DNAH17: variants seen among roughly 807,000 people sequenced by gnomAD.
DNAH17 encodes axonemal beta dynein heavy chain 17.
In DNAH17, 376 loss-of-function variants were observed where a neutral mutation model predicts 485.6. The observed-to-expected ratio is 0.77, with a 90% CI of 0.71 to 0.84. The LOEUF (loss-of-function observed/expected upper bound fraction) is 0.84, where lower values mean the gene tolerates loss of function less well. Ranked by LOEUF, DNAH17 falls within the 40% of genes least tolerant of loss-of-function variation. The pLI, the probability that DNAH17 is intolerant of heterozygous loss-of-function variation, is 0.00. For synonymous variants in DNAH17, 3,031 were observed against 2,405.9 expected (o/e 1.26, Z -7.60); for missense variants, 6,370 against 5,839.3 (o/e 1.09, Z -2.96).
Position 78,484,871 on chromosome 17 carries a change from T to C in DNAH17, c.7646A>G (p.His2549Arg). Residue 2549 changes from histidine (H) to arginine (R), a missense_variant, in exon 48 of 81, where the codon CAC becomes CGC. Coordinates refer to ENST00000389840, the MANE Select transcript of DNAH17 (RefSeq NM_173628.4). ...TLIRQHMDHR[H>R]WYDRHKLTLK... ...CTCCGGCCCCGCCCCGTCTAACCAG[T>C]GCCGGTGGTCCATGTGCTGCCGGAT... The C allele has an allele frequency of 1.9e-6, 3 of 1,558,484 alleles. No homozygotes were observed. The highest frequency in any genetic ancestry group is 1.4e-5 in the African/African-American group (1 of 73,504).
At chr17:78,562,782 A>G (rs781734296) in intron 11 of DNAH17, among the ~76,000 whole-genome samples, 8 of 152,246 alleles carry the variant, frequency 5.3e-5, no homozygotes, top group Non-Finnish European at 8.8e-5. Context: ...TCTCAAGGGC[A>G]GCTGAGGCAA....
intron 71 of DNAH17, among the ~76,000 whole-genome samples, chr17:78,441,771 A>G (rs2087086277): frequency 6.6e-6 from 1 of 152,168 alleles, no homozygotes; most frequent in Non-Finnish European, 1.5e-5. Flanking sequence ...TAATGTATAA[A>G]GAATGAATCA....
chr17:78,429,437 C>A, intron 75 of DNAH17, 137 bp from the exon 76 acceptor site: 1 of 972,670 alleles, frequency 1.0e-6, no homozygotes, highest in Non-Finnish European at 1.5e-6. Flanking sequence ...GGTCAGCCTC[C>A]TGGCCATTTA....
At chr17:78,552,302 A>G (rs1363276268) in intron 15 of DNAH17, among the ~76,000 whole-genome samples, 1 of 152,086 alleles carries the variant, frequency 6.6e-6, no homozygotes, top group East Asian at 1.9e-4. Flanking sequence ...GGGACTCGTG[A>G]CTACACTTCT....
chr17:78,572,759 A>C lies in DNAH17; in HGVS notation c.481T>G (p.Leu161Val). ...CCCAGGTGCTCCGGAATAGGCAGCA[A>C]GGTTTTGCCTTTGATCTTGCCACTC... ...VMSGKIKGKT[L>V]LPIPEHLGSL... The change falls in exon 3 of 81, where the codon TTG becomes GTG. Residue 161 changes from leucine (L) to valine (V), a missense_variant. Transcript: ENST00000389840. The C allele has an allele frequency of 1.2e-6, 2 of 1,613,366 alleles. No individual in the cohort carries two copies. The highest frequency in any genetic ancestry group is 1.7e-6 in the Non-Finnish European group (2 of 1,179,702).
At chr17:78,440,348 T>C (rs896185874) in intron 72 of DNAH17, among the ~76,000 whole-genome samples, 1 of 146,968 alleles carries the variant, frequency 6.8e-6, no homozygotes, top group African/African-American at 2.6e-5. Context: ...CTTCAACCTT[T>C]TGGGCTCAAG....
chr17:78,468,263 T>C (rs570381280), intron 55 of DNAH17, among the ~76,000 whole-genome samples: 1 of 152,234 alleles, frequency 6.6e-6, no homozygotes, highest in Non-Finnish European at 1.5e-5. Flanking sequence ...TAGAGATGAT[T>C]TAAAGTAGAG....
intron 58 of DNAH17, among the ~76,000 whole-genome samples, chr17:78,461,036 G>A (rs1598488645): frequency 6.6e-6 from 1 of 151,972 alleles, no homozygotes; most frequent in Admixed American, 6.6e-5. Flanking sequence ...TGATGAAGAC[G>A]CTCCCGCTAA....
intron 30 of DNAH17, among the ~76,000 whole-genome samples, chr17:78,505,681 T>G (rs1386292727): frequency 1.3e-5 from 2 of 152,212 alleles, no homozygotes; most frequent in Non-Finnish European, 2.9e-5. Context: ...ACATCCATTC[T>G]GGAAGATTTC....
At chr17:78,567,720 T>TC (rs2092290782) in intron 9 of DNAH17, among the ~76,000 whole-genome samples, 1 of 152,112 alleles carries the variant, frequency 6.6e-6, no homozygotes, top group Admixed American at 6.5e-5. Flanking sequence ...CCTGAAGCGC[T>TC]CCCTGACTAT....
chr17:78,433,228 G>A (rs898186501), intron 75 of DNAH17, among the ~76,000 whole-genome samples: 9 of 152,234 alleles, frequency 5.9e-5, no homozygotes, highest in African/African-American at 1.9e-4. Context: ...CGTAAGAACC[G>A]TGCGTGGTGA....
rs369795871 is a variant in DNAH17 at position 78,575,059 on chromosome 17, T to C, written c.-2A>G. 7 of 1,610,218 alleles carry C rather than the reference T, an allele frequency of 4.3e-6. No homozygotes were observed. In the African/African-American group the frequency reaches 8.0e-5, roughly 18 times the overall value. On this transcript the variant is annotated 5_prime_UTR_variant, in exon 2 of 81. Transcript: ENST00000389840. ...TCTGACGTCCGGGGCCATTGTCATC[T>C]TGGCCTTTCCTTACACTGTGTATCT... is the stretch of plus-strand genomic sequence containing the variant.
chr17:78,481,050 C>T (rs2089324872), intron 48 of DNAH17, among the ~76,000 whole-genome samples: 1 of 151,310 alleles, frequency 6.6e-6, no homozygotes, highest in Admixed American at 6.6e-5. Flanking sequence ...CCGCCTCAGC[C>T]TCCCAAAGTG....
intron 16 of DNAH17, among the ~76,000 whole-genome samples, chr17:78,548,085 AT>A (rs1423771349): frequency 3.9e-5 from 6 of 151,950 alleles, no homozygotes; most frequent in African/African-American, 1.2e-4. Flanking sequence ...GTGCTTCAGT[AT>A]ATTTTAATTC....
intron 52 of DNAH17, among the ~76,000 whole-genome samples, chr17:78,476,139 C>T (rs2089005525): frequency 6.6e-6 from 1 of 152,142 alleles, no homozygotes. Flanking sequence ...CTTTCTCCAC[C>T]CCAAGTGGAC....
rs539376931 is a variant in DNAH17, at chr17:78,451,661, G to A, written c.10542C>T (p.Ile3514=). Residue 3514 remains isoleucine (I), a synonymous_variant, in exon 66 of 81, where the codon ATC becomes ATT. Transcript: ENST00000389840. The part of the protein sequence containing the change: ...NTIKKGKYIK[I]GDKEVEYHPK... ...GGTGGTACTCCACCTCCTTGTCACC[G>A]ATCTTAATGTACCTGGCGGTTGGTG... 94 of 1,572,776 alleles carry A rather than the reference G, an allele frequency of 6.0e-5. No homozygotes were observed. The highest frequency in any genetic ancestry group is 2.7e-4 in the South Asian group (23 of 84,508).
In DNAH17 at chr17:78,480,780, G is replaced by C; in HGVS notation, c.7656C>G (p.Asp2552Glu). Residue 2552 changes from aspartate (D) to glutamate (E), a missense_variant, in exon 49 of 81, where the codon GAC (aspartate) becomes GAG (glutamate). Coordinates refer to ENST00000389840, the MANE Select transcript of DNAH17 (RefSeq NM_173628.4). Reference sequence around the variant, plus strand: ...TATCTTTTAACGTCAGCTTATGTCTGTCATACCTGAGGGGGGAAACCAGCA... The same window carrying C: ...TATCTTTTAACGTCAGCTTATGTCTCTCATACCTGAGGGGGGAAACCAGCA... ...RQHMDHRHWYDRHKLTLKDIH... is the reference protein window; with the variant it reads ...RQHMDHRHWYERHKLTLKDIH... The C allele has an allele frequency of 1.2e-6, 2 of 1,611,932 alleles. No individual in the cohort carries two copies. Among genetic ancestry groups the C allele is most frequent in the Non-Finnish European group, 1.7e-6 (2 of 1,178,958 alleles).
At position 78,560,820 on chromosome 17, in the gene DNAH17, C is replaced by T; in HGVS notation, c.1951G>A (p.Asp651Asn). 6.4e-7 allele frequency: 1 copy of T among 1,551,838 alleles called. No homozygotes were observed. Among genetic ancestry groups the T allele is most frequent in the Middle Eastern group, 1.7e-4 (1 of 5,992 alleles). Residue 651 changes from aspartate to asparagine, a missense_variant, in exon 13 of 81, where the codon GAC becomes AAC. Physicochemically the swap from Asp to Asn is conservative, Grantham distance 23 (BLOSUM62 1). Coordinates refer to ENST00000389840, the MANE Select transcript of DNAH17 (RefSeq NM_173628.4). ...YQQWVAGVDQ[D>N]CHFNLGQPLI... ...GGCTGCCCCAGGTTAAAGTGGCAGT[C>T]CTGGTCCACGCCCGCCACCCACTGC...
chr17:78,492,023 A>T (rs945369914), intron 42 of DNAH17, among the ~76,000 whole-genome samples: 1 of 152,128 alleles, frequency 6.6e-6, no homozygotes, highest in African/African-American at 2.4e-5. Context: ...TGAGCTGTAC[A>T]TGCAGAAGCC....
Sources: allele counts gnomAD v4.1 joint callset (sites outside exome capture counted in the v4.1 genomes callset), GRCh38; gene constraint gnomAD v4.1.1; transcripts MANE v1.5; gene names NCBI Gene and HGNC (gene_info 2026-07-23, HGNC 2026-07-21).